REDIC1: variants seen among roughly 807,000 people sequenced by gnomAD.
REDIC1 encodes the protein regulator of DNA class I crossover intermediates 1.
the REDIC1 span, chr12:39,756,186 T>G: frequency 1.3e-5 from 2 of 151,956 alleles, no homozygotes; most frequent in Admixed American, 6.6e-5. Flanking sequence ...AGAACAATTC[T>G]GAGCCTTCTT....
At chr12:39,776,383 C>A in the REDIC1 span, among the ~76,000 whole-genome samples, 1 of 152,204 alleles carries the variant, frequency 6.6e-6, no homozygotes, top group East Asian at 1.9e-4. Flanking sequence ...GCCTGCCTGG[C>A]CATAACTATG....
the REDIC1 span, among the ~76,000 whole-genome samples, chr12:39,799,649 A>G: frequency 1.3e-5 from 2 of 152,242 alleles, no homozygotes; most frequent in Admixed American, 6.5e-5. Flanking sequence ...AATCAAGACC[A>G]CAAAACAGTA....
chr12:39,900,850 T>C, the REDIC1 span, among the ~76,000 whole-genome samples: 8 of 152,180 alleles, frequency 5.3e-5, no homozygotes, highest in African/African-American at 1.7e-4. Context: ...TTAAAGTTCA[T>C]ATGCAACCAA....
chr12:39,840,803 T>C, the REDIC1 span, among the ~76,000 whole-genome samples: 3 of 152,114 alleles, frequency 2.0e-5, no homozygotes, highest in African/African-American at 7.2e-5. Flanking sequence ...CTCAAGACCC[T>C]GTACAGCTTT....
the REDIC1 span, among the ~76,000 whole-genome samples, chr12:39,644,672 A>G: frequency 5.5e-4 from 84 of 152,002 alleles, no homozygotes; most frequent in African/African-American, 1.9e-3. Context: ...TTTAGAAAGA[A>G]TAAATACATT....
chr12:39,663,535 G>A, the REDIC1 span, among the ~76,000 whole-genome samples: 2 of 152,002 alleles, frequency 1.3e-5, no homozygotes, highest in South Asian at 4.1e-4. Context: ...TATTCATGCA[G>A]TGGATCCATA....
At chr12:39,851,023 C>A in the REDIC1 span, among the ~76,000 whole-genome samples, 1 of 151,970 alleles carries the variant, frequency 6.6e-6, no homozygotes, top group African/African-American at 2.4e-5. Flanking sequence ...CCTCAGCCTC[C>A]TGAGTAGCTG....
At chr12:39,895,809 TACGTACACAC>T in the REDIC1 span, among the ~76,000 whole-genome samples, 211 of 92,898 alleles carry the variant, frequency 2.3e-3, 13 homozygotes, top group East Asian at 0.011. Context: ...TATGCGTGTA[TACGTACACAC>T]ATGTATATGC....
chr12:39,819,061 A>G, the REDIC1 span, among the ~76,000 whole-genome samples: 1 of 152,202 alleles, frequency 6.6e-6, no homozygotes, highest in Non-Finnish European at 1.5e-5. Context: ...CACAGAAGGG[A>G]AAACAGTATA....
the REDIC1 span, among the ~76,000 whole-genome samples, chr12:39,703,949 G>A: frequency 2.6e-5 from 4 of 152,076 alleles, no homozygotes; most frequent in Non-Finnish European, 4.4e-5. Flanking sequence ...AGACTTAAAC[G>A]TTAGACCTAA....
chr12:39,706,138 T>A, the REDIC1 span, among the ~76,000 whole-genome samples: 1 of 152,016 alleles, frequency 6.6e-6, no homozygotes, highest in Non-Finnish European at 1.5e-5. Context: ...AAAATCAACA[T>A]GCAAAAATCA....
the REDIC1 span, among the ~76,000 whole-genome samples, chr12:39,800,088 A>G: frequency 2.6e-5 from 4 of 152,320 alleles, no homozygotes; most frequent in South Asian, 8.3e-4. Context: ...ACCCATCCCA[A>G]TCTTCTAGGT....
the REDIC1 span, among the ~76,000 whole-genome samples, chr12:39,875,970 G>A: frequency 6.6e-6 from 1 of 152,102 alleles, no homozygotes; most frequent in South Asian, 2.1e-4. Flanking sequence ...ATGCATAAAA[G>A]AACAATATGA....
At chr12:39,646,561 C>T in the REDIC1 span, 1 of 1,200,410 alleles carries the variant, frequency 8.3e-7, no homozygotes, top group Non-Finnish European at 1.1e-6. Flanking sequence ...CTTCTACCCC[C>T]AGTTTTTGTT....
At chr12:39,712,913 A>G in the REDIC1 span, among the ~76,000 whole-genome samples, 2 of 147,644 alleles carry the variant, frequency 1.4e-5, no homozygotes, top group Non-Finnish European at 3.0e-5. Context: ...ATATACGTAT[A>G]TACATATGTG....
chr12:39,674,302 A>G, the REDIC1 span, among the ~76,000 whole-genome samples: 1 of 152,168 alleles, frequency 6.6e-6, no homozygotes, highest in Non-Finnish European at 1.5e-5. Context: ...ACATTTCTGT[A>G]TTGTCCACAT....
the REDIC1 span, chr12:39,721,099 G>A: frequency 9.9e-6 from 16 of 1,613,610 alleles, no homozygotes; most frequent in Admixed American, 3.3e-5. Context: ...GAGTGAATCT[G>A]TAATGGAGGA....
the REDIC1 span, among the ~76,000 whole-genome samples, chr12:39,875,530 T>C: frequency 6.6e-6 from 1 of 152,180 alleles, no homozygotes; most frequent in East Asian, 1.9e-4. Context: ...TGTTTGTATG[T>C]CCTTGGGGGG....
chr12:39,637,048 C>G, the REDIC1 span, among the ~76,000 whole-genome samples: 1 of 151,888 alleles, frequency 6.6e-6, no homozygotes, highest in African/African-American at 2.4e-5. Context: ...GTTTTTCCCT[C>G]TCCCTCTACT....
Sources: gnomAD v4.1 joint callset for allele counts (sites outside exome capture counted in the v4.1 genomes callset) on GRCh38, gnomAD v4.1.1 for gene constraint, MANE v1.5 for transcripts, NCBI Gene and HGNC (gene_info 2026-07-23, HGNC 2026-07-21) for gene names.